Variants in PDZD2 observed in about 807,000 individuals in gnomAD.
The protein encoded by PDZD2 is PDZ domain-containing protein 2.
PDZD2 carries 90 observed loss-of-function variants against 220.7 expected under a neutral mutation model. The ratio of observed to expected loss-of-function variants is 0.41; its 90% confidence interval spans 0.34 to 0.49. PDZD2 has a LOEUF of 0.49. Ranked by LOEUF, PDZD2 falls within the 20% of genes least tolerant of loss-of-function variation. PDZD2 has a pLI of 0.28. For synonymous variants in PDZD2, 1,375 were observed against 1,450.5 expected (o/e 0.95, Z 1.18); for missense variants, 3,174 against 3,608.5 (o/e 0.88, Z 3.08).
rs796612566 is a variant in PDZD2 at position 31,835,598 on chromosome 5, C to T, written c.476+35874C>T. On this transcript the variant is annotated intron_variant, in intron 2 of 24. Coordinates refer to ENST00000438447, the MANE Select transcript of PDZD2 (RefSeq NM_178140.4). ...CGCCACTGCACTCCAGCCTGGGCAA[C>T]AATAGTGACACTCCATCTCAAAAAA... is the stretch of plus-strand genomic sequence containing the variant. 3.5e-5 allele frequency among the ~76,000 whole-genome samples: 5 copies of T among 141,148 alleles called. No homozygotes were observed. The South Asian group carries it at 1.1e-3, about 32-fold the overall frequency. 92.6% of individuals were successfully genotyped at this position (141,148 alleles called of 152,430 possible).
intron 1 of PDZD2, among the ~76,000 whole-genome samples, chr5:31,739,319 A>G (rs148453181): frequency 6.6e-6 from 1 of 152,284 alleles, no homozygotes; most frequent in African/African-American, 2.4e-5. Context: ...TGCAGAACTA[A>G]TAGGAAATAA....
At chr5:32,016,850 C>A (rs1311407962) in intron 6 of PDZD2, among the ~76,000 whole-genome samples, 3 of 152,192 alleles carry the variant, frequency 2.0e-5, no homozygotes, top group Admixed American at 2.0e-4. Flanking sequence ...ATGTTGTCTT[C>A]CCTGGCCCTT....
intron 1 of PDZD2, among the ~76,000 whole-genome samples, chr5:31,792,647 A>C (rs1213933504): frequency 2.0e-5 from 3 of 151,642 alleles, no homozygotes; most frequent in African/African-American, 7.3e-5. Flanking sequence ...CGAGTTTCTG[A>C]CCTCAGGTGA....
chr5:32,029,675 A>G (rs1280230476), intron 6 of PDZD2, among the ~76,000 whole-genome samples: 10 of 152,212 alleles, frequency 6.6e-5, no homozygotes, highest in Admixed American at 6.5e-5. Flanking sequence ...CACCAGAGGA[A>G]GGAACCTGTC....
rs559129458 is a variant in PDZD2 at position 31,911,502 on chromosome 5, G to A, written c.477-71653G>A. On this transcript the variant is annotated intron_variant, in intron 2 of 24. Coordinates refer to ENST00000438447, the MANE Select transcript of PDZD2 (RefSeq NM_178140.4). ...ACTTGGAGCACGTGGCCACTGCATC[G>A]CCCCTGTCAGCTGACTCCTACAGTC... 5.9e-5 allele frequency among the ~76,000 whole-genome samples: 9 copies of A among 152,312 alleles called. No individual in the cohort carries two copies. The East Asian group carries it at 7.7e-4, about 13-fold the overall frequency.
At chr5:31,850,873 T>C (rs1220937710) in intron 2 of PDZD2, among the ~76,000 whole-genome samples, 1 of 152,076 alleles carries the variant, frequency 6.6e-6, no homozygotes, top group Non-Finnish European at 1.5e-5. Context: ...CCTGACCTCG[T>C]GTTCCACCCG....
At chr5:31,877,982 C>A (rs898754065) in intron 2 of PDZD2, among the ~76,000 whole-genome samples, 4 of 152,210 alleles carry the variant, frequency 2.6e-5, no homozygotes, top group Admixed American at 6.5e-5. Context: ...AGCCACCACG[C>A]CTGGACTATT....
chr5:31,648,060 C>A (rs888830963), intron 1 of PDZD2, among the ~76,000 whole-genome samples: 42 of 152,176 alleles, frequency 2.8e-4, no homozygotes, highest in African/African-American at 9.4e-4. Flanking sequence ...GGCCAACATT[C>A]TCCTTCTCAA....
intron 1 of PDZD2, among the ~76,000 whole-genome samples, chr5:31,750,362 T>C (rs1460814901): frequency 6.6e-6 from 1 of 152,224 alleles, no homozygotes; most frequent in Non-Finnish European, 1.5e-5. Flanking sequence ...GGCAGGGCCC[T>C]ACAGATTAGC....
intron 17 of PDZD2, among the ~76,000 whole-genome samples, chr5:32,072,592 G>C (rs1344147364): frequency 6.6e-6 from 1 of 152,170 alleles, no homozygotes. Context: ...TTAGCCAGGC[G>C]TGGTGGCACG....
At chr5:32,079,766 G>A (rs1462910890) in intron 19 of PDZD2, among the ~76,000 whole-genome samples, 4 of 151,850 alleles carry the variant, frequency 2.6e-5, no homozygotes, top group Non-Finnish European at 4.4e-5. Context: ...AGCCGAGATC[G>A]AGCCATTGCA....
chr5:32,106,940 T>TTGTG (rs1331036774), intron 24 of PDZD2, among the ~76,000 whole-genome samples: 1 of 152,228 alleles, frequency 6.6e-6, no homozygotes, highest in East Asian at 1.9e-4. Context: ...GTTTTTGTCC[T>TTGTG]TGTGTGGGCT....
intron 22 of PDZD2, among the ~76,000 whole-genome samples, chr5:32,097,772 T>G (rs376932220): frequency 1.6e-4 from 25 of 152,190 alleles, no homozygotes; most frequent in African/African-American, 5.6e-4. Flanking sequence ...GAGGGTCACC[T>G]TCACTGCACG....
At chr5:32,001,827 G>A (rs866480330) in intron 5 of PDZD2, among the ~76,000 whole-genome samples, 5 of 152,120 alleles carry the variant, frequency 3.3e-5, no homozygotes, top group Admixed American at 2.0e-4. Context: ...GTGACCTCTC[G>A]TGTGTCTTAG....
At chr5:31,950,803 A>G (rs1477927204) in intron 2 of PDZD2, among the ~76,000 whole-genome samples, 1 of 152,148 alleles carries the variant, frequency 6.6e-6, no homozygotes, top group Non-Finnish European at 1.5e-5. Flanking sequence ...ACCATGATAT[A>G]TACTCTCTTC....
Position 32,061,085 on chromosome 5 carries a change from G to A in PDZD2, c.2402G>A (p.Cys801Tyr). The stretch of plus-strand genomic sequence containing the variant: ...AAAGTCCACGCCATCTTGAGTAAAT[G>A]CCCTCCAGGACCCGTTCGCCTTGTC... The part of the protein sequence containing the change: ...LSKVHAILSK[C>Y]PPGPVRLVIG... The change falls in exon 14 of 25, where the codon TGC (cysteine) becomes TAC (tyrosine). Residue 801 changes from cysteine to tyrosine, a missense_variant. Around this residue, in one of 4 missense-constraint regions of PDZD2, gnomAD observed 1,861 missense variants for 2,001.0 expected, o/e 0.93. Transcript: ENST00000438447. The A allele has an allele frequency of 6.2e-7, 1 of 1,614,120 alleles. No individual in the cohort carries two copies. Among genetic ancestry groups the A allele is most frequent in the Non-Finnish European group, 8.5e-7 (1 of 1,179,986 alleles).
In PDZD2 at chr5:31,770,167, A is replaced by G. The variant is rs73749664; in HGVS notation, c.-360-28722A>G. Among the ~76,000 whole-genome samples the G allele has an allele frequency of 5.6e-3, 847 of 152,322 alleles. 11 individuals carry two copies. The highest frequency in any genetic ancestry group is 0.02 in the African/African-American group (811 of 41,574). ...GTTCTGTTTGTGGAGGAAAAATAAAAGAGGATGAAGAAGAAAATGTCAGAT... is the reference window on the plus strand; with the variant it reads ...GTTCTGTTTGTGGAGGAAAAATAAAGGAGGATGAAGAAGAAAATGTCAGAT... On this transcript the variant is annotated intron_variant, in intron 1 of 24. Transcript: ENST00000438447.
chr5:31,803,285 T>G (rs1362689727), intron 2 of PDZD2, among the ~76,000 whole-genome samples: 11 of 131,566 alleles, frequency 8.4e-5, no homozygotes, highest in South Asian at 2.4e-4. Context: ...TTTTTTTTTG[T>G]AGAGATGGTA....
intron 2 of PDZD2, among the ~76,000 whole-genome samples, chr5:31,944,421 C>A (rs914737673): frequency 6.6e-6 from 1 of 152,146 alleles, no homozygotes; most frequent in Non-Finnish European, 1.5e-5. Flanking sequence ...GCTTTTCTAA[C>A]AAATTCAAAC....
Sources: allele counts gnomAD v4.1 joint callset (sites outside exome capture counted in the v4.1 genomes callset), GRCh38; gene constraint gnomAD v4.1.1; regional missense constraint gnomAD v4.1.1; transcripts MANE v1.5; gene names NCBI Gene and HGNC (gene_info 2026-07-23, HGNC 2026-07-21).